Variants in PPP2R5C observed in about 807,000 individuals in gnomAD.
PPP2R5C encodes protein phosphatase 2 regulatory subunit B'gamma, also known as serine/threonine-protein phosphatase 2A 56 kDa regulatory subunit gamma isoform.
A neutral mutation model predicts 68.9 loss-of-function variants in PPP2R5C; 7 were observed. That is an observed-to-expected ratio of 0.10 (90% CI 0.06 to 0.19). The LOEUF (loss-of-function observed/expected upper bound fraction) is 0.19. PPP2R5C is among the 10% of genes least tolerant of loss of function. PPP2R5C has a pLI of 1.00. For synonymous variants in PPP2R5C, 210 were observed against 222.2 expected, an observed-to-expected ratio of 0.95 and a Z score of 0.49; for missense variants, 348 against 641.3, an observed-to-expected ratio of 0.54 and a Z score of 4.94.
At chr14:101,805,172 C>T (rs1243894194), upstream of PPP2R5C, among the ~76,000 whole-genome samples, 1 of 152,142 alleles carries the variant, frequency 6.6e-6, no homozygotes, top group Non-Finnish European at 1.5e-5. Context: ...TGGCTCACTG[C>T]AGCCTGCCTC....
intron 2 of PPP2R5C, among the ~76,000 whole-genome samples, chr14:101,876,771 G>A (rs780812590): frequency 5.9e-5 from 9 of 152,276 alleles, no homozygotes; most frequent in East Asian, 3.9e-4. Flanking sequence ...ATGCACTCAC[G>A]TGCGTGCCAT....
chr14:101,804,736 G>A (rs1566851868), intron 3 of PPP2R5C, among the ~76,000 whole-genome samples: 1 of 152,182 alleles, frequency 6.6e-6, no homozygotes, highest in South Asian at 2.1e-4. Flanking sequence ...AGTAGTGGGG[G>A]TTGGCGGGGG....
chr14:101,873,575 C>T (rs548315801), intron 2 of PPP2R5C, among the ~76,000 whole-genome samples: 4 of 152,078 alleles, frequency 2.6e-5, no homozygotes, highest in African/African-American at 9.7e-5. Context: ...TTCCCAGCCC[C>T]GAACAAGTAC....
chr14:101,783,004 C>T (rs1375163919), intron 2 of PPP2R5C, among the ~76,000 whole-genome samples: 1 of 3,708 alleles, frequency 2.7e-4, no homozygotes, highest in Non-Finnish European at 6.7e-4. Flanking sequence ...TCCCCCTCCC[C>T]TCTCTCTTTC....
In PPP2R5C at chr14:101,917,630, C is replaced by G; in HGVS notation, c.1327-201C>G. ...GGTCAGGAGGGGACCAGCTGCTTTA[C>G]TGTCTCCACTGAGTGCTTTCTGGTT... On this transcript the variant is annotated intron_variant, in intron 12 of 13. Coordinates refer to ENST00000334743, the Ensembl canonical transcript of PPP2R5C. The surrounding 1 kb of genome is among the most constrained non-coding windows in gnomAD (Gnocchi z 4.4). The G allele has an allele frequency of 1.7e-6, 1 of 587,756 alleles. No homozygotes were observed. Among genetic ancestry groups the G allele is most frequent in the South Asian group, 2.0e-5 (1 of 50,330 alleles). 36.4% of individuals were successfully genotyped at this position (587,756 alleles called of 1,614,324 possible).
rs75403093 is a variant in PPP2R5C, at chr14:101,828,137, A to G, written c.94+18101A>G. Among the ~76,000 whole-genome samples the G allele has an allele frequency of 3.3e-3, 501 of 152,296 alleles. 20 individuals carry two copies. In the East Asian group the frequency reaches 0.09, roughly 27 times the overall value. On this transcript the variant is annotated intron_variant, in intron 1 of 13. Transcript: ENST00000334743. Reference sequence around the variant, plus strand: ...TACCACATAATATTGCAAATGATTTATGTAACCTCAAAGCCCATTTTTTTA... The same window carrying G: ...TACCACATAATATTGCAAATGATTTGTGTAACCTCAAAGCCCATTTTTTTA...
In PPP2R5C at chr14:101,785,639, C is replaced by T. The variant is rs558939588; in HGVS notation, c.94-379C>T. On this transcript the variant is annotated intron_variant, in intron 2 of 14. Transcript: ENST00000328724. ...ATGATCCAGAATCATCGTCCCATCTCAAGATTCTTAACTGAATCCCATCTG... is the reference window on the plus strand; with the variant it reads ...ATGATCCAGAATCATCGTCCCATCTTAAGATTCTTAACTGAATCCCATCTG... Among the ~76,000 whole-genome samples the T allele has an allele frequency of 3.3e-5, 5 of 152,346 alleles. No individual in the cohort carries two copies. The South Asian group carries it at 8.3e-4, about 25-fold the overall frequency.
rs982539083 is a variant in PPP2R5C, at chr14:101,838,324, G to A, written c.95-18362G>A. Among the ~76,000 whole-genome samples the A allele has an allele frequency of 5.3e-5, 8 of 152,246 alleles. No individual in the cohort carries two copies. The South Asian group carries it at 6.2e-4, about 12-fold the overall frequency. On this transcript the variant is annotated intron_variant, in intron 1 of 13. Transcript: ENST00000334743. ...TCGTCGAAGGAAGGTGAATGCAAGC[G>A]TCTTGTGAATCTGAAAATGGCATTT...
In PPP2R5C at chr14:101,888,144, G is replaced by T. The variant is rs2044642419; in HGVS notation, c.630-2093G>T. Reference sequence around the variant, plus strand: ...AAGCCATCCTTATGTAAATGTTAAAGCTGATGGATCTAGACCAGAAGGGGT... The same window carrying T: ...AAGCCATCCTTATGTAAATGTTAAATCTGATGGATCTAGACCAGAAGGGGT... On this transcript the variant is annotated intron_variant, in intron 5 of 13. Transcript: ENST00000334743. This position sits in a 1 kb window ranked among gnomAD's most constrained non-coding sequence, Gnocchi z 5.6. Among the ~76,000 whole-genome samples the T allele has an allele frequency of 6.6e-6, 1 of 152,150 alleles. No homozygotes were observed. The highest frequency in any genetic ancestry group is 2.4e-5 in the African/African-American group (1 of 41,432).
chr14:101,765,280 G>T, intron 2 of PPP2R5C: 2 of 702,666 alleles, frequency 2.8e-6, no homozygotes, highest in Non-Finnish European at 5.2e-6. Flanking sequence ...TTGACACTTG[G>T]CAGATCACTG....
chr14:101,791,458 A>G (rs1244422864), intron 3 of PPP2R5C, among the ~76,000 whole-genome samples: 2 of 152,216 alleles, frequency 1.3e-5, no homozygotes, highest in Non-Finnish European at 2.9e-5. Context: ...GTAAAAATAA[A>G]TTATTACAGA....
chr14:101,788,669 A>G (rs2038231220), intron 3 of PPP2R5C, among the ~76,000 whole-genome samples: 1 of 152,244 alleles, frequency 6.6e-6, no homozygotes, highest in Non-Finnish European at 1.5e-5. Flanking sequence ...AGAATTTCAC[A>G]TGTATCAAGC....
At chr14:101,890,138 C>T (rs1904298) in intron 5 of PPP2R5C, 99 bp from the exon 8 acceptor site, 82,625 of 1,079,870 alleles carry the variant, frequency 0.077, 4,755 homozygotes, top group African/African-American at 0.25. Context: ...CAAATAGATG[C>T]GCTTCTTGTT....
chr14:101,775,310 A>G (rs183724383), intron 2 of PPP2R5C, among the ~76,000 whole-genome samples: 120 of 152,272 alleles, frequency 7.9e-4, no homozygotes, highest in Middle Eastern at 3.4e-3. Context: ...TAAATCCCTT[A>G]TATGATAAAA....
chr14:101,906,699 C>T lies in PPP2R5C; in HGVS notation c.1151+170C>T, dbSNP rs894249174. 26 of 902,110 alleles carry T rather than the reference C, an allele frequency of 2.9e-5. No homozygotes were observed. The highest frequency in any genetic ancestry group is 3.7e-5 in the Non-Finnish European group (23 of 619,036). The allele number at this position is 902,110 out of a possible 1,614,324, so 55.9% of individuals were successfully genotyped here. ...TAGCAGCGTGGGTTGTTTCTGTGGC[C>T]GTTGAATTTACCACCTTATACCTTC... On this transcript the variant is annotated intron_variant, in intron 10 of 13. Transcript: ENST00000334743. This position sits in a 1 kb window ranked among gnomAD's most constrained non-coding sequence, Gnocchi z 4.0.
At chr14:101,819,157 T>C (rs1447233944) in intron 1 of PPP2R5C, 13 of 1,407,320 alleles carry the variant, frequency 9.2e-6, no homozygotes, top group African/African-American at 1.4e-5. Flanking sequence ...TAATTAGGAA[T>C]GGGTTGTCGG....
chr14:101,850,741 A>G (rs530721601), intron 1 of PPP2R5C, among the ~76,000 whole-genome samples: 70 of 152,356 alleles, frequency 4.6e-4, no homozygotes, highest in African/African-American at 1.7e-3. Context: ...TCTAGGACAC[A>G]GGAGACACTA....
At chr14:101,897,605 C>T (rs1397110555) in intron 8 of PPP2R5C, among the ~76,000 whole-genome samples, 1 of 151,900 alleles carries the variant, frequency 6.6e-6, no homozygotes, top group African/African-American at 2.4e-5. Context: ...CGTTCTTCTG[C>T]CTGCTTTATA....
rs75569118 is a variant in PPP2R5C, at chr14:101,899,387, G to A, written c.853-2332G>A. Among the ~76,000 whole-genome samples the A allele has an allele frequency of 0.01, 1,577 of 152,310 alleles. 28 individuals carry two copies. Among genetic ancestry groups the A allele is most frequent in the African/African-American group, 0.036 (1,482 of 41,568 alleles). On this transcript the variant is annotated intron_variant, in intron 8 of 13. Transcript: ENST00000334743. The surrounding 1 kb of genome is among the most constrained non-coding windows in gnomAD (Gnocchi z 4.2). Reference sequence around the variant, plus strand: ...AGCGGGCAGTCCTTGGGCTTCCAAAGGAAAACTCGGGGCCTTGTGCTGCAC... The same window carrying A: ...AGCGGGCAGTCCTTGGGCTTCCAAAAGAAAACTCGGGGCCTTGTGCTGCAC...
Sources: gnomAD v4.1 joint callset for allele counts (sites outside exome capture counted in the v4.1 genomes callset) on GRCh38, gnomAD v4.1.1 for gene constraint, Gnocchi (gnomAD v3.1) non-coding constraint, MANE v1.5 for transcripts, NCBI Gene and HGNC (gene_info 2026-07-23, HGNC 2026-07-21) for gene names.